The following OGDH variants were observed in gnomAD, a reference collection of about 807,000 sequenced individuals.
OGDH encodes the protein oxoglutarate dehydrogenase, also known as 2-oxoglutarate dehydrogenase complex component E1.
OGDH carries 38 observed loss-of-function variants against 116.6 expected under a neutral mutation model. That is an observed-to-expected ratio of 0.33 (90% CI 0.25 to 0.43). The LOEUF (loss-of-function observed/expected upper bound fraction) is 0.43. Among genes scored for constraint, OGDH ranks in the 20% least tolerant of loss-of-function variants. The pLI, the probability that OGDH is intolerant of heterozygous loss-of-function variation, is 1.00. For synonymous variants in OGDH, 488 were observed against 533.3 expected (o/e 0.92, Z 1.17); for missense variants, 825 against 1,357.2 (o/e 0.61, Z 6.16).
chr7:44,675,932 C>A, intron 8 of OGDH, 38 bp from the exon 9 acceptor site: 1 of 1,604,380 alleles, frequency 6.2e-7, no homozygotes, highest in Non-Finnish European at 8.5e-7. Context: ...CTGAGCATCT[C>A]CTTGGCCAGG....
At chr7:44,615,516 A>C (rs999160719) in intron 1 of OGDH, among the ~76,000 whole-genome samples, 5 of 152,150 alleles carry the variant, frequency 3.3e-5, no homozygotes, top group African/African-American at 1.2e-4. Context: ...CCCTATTCTG[A>C]CACCAGCTGA....
chr7:44,651,955 C>T (rs1370336394), intron 4 of OGDH, among the ~76,000 whole-genome samples: 1 of 151,892 alleles, frequency 6.6e-6, no homozygotes, highest in African/African-American at 2.4e-5. Context: ...CCACCTGCCT[C>T]CGCCTCCCAA....
chr7:44,668,215 G>T (rs182953786), intron 5 of OGDH, among the ~76,000 whole-genome samples: 3 of 152,242 alleles, frequency 2.0e-5, no homozygotes, highest in African/African-American at 7.2e-5. Flanking sequence ...GAGACAGGTG[G>T]ATCATAAGGT....
At chr7:44,698,146 C>G (rs753807034) in intron 17 of OGDH, 46 bp from the exon 18 acceptor site, 1 of 1,598,612 alleles carries the variant, frequency 6.3e-7, no homozygotes, top group South Asian at 1.1e-5. Context: ...CGGCAAATGT[C>G]AGTACGCAAG....
chr7:44,669,627 A>G (rs766762963), intron 5 of OGDH, among the ~76,000 whole-genome samples: 1 of 152,016 alleles, frequency 6.6e-6, no homozygotes, highest in Non-Finnish European at 1.5e-5. Flanking sequence ...ATCCCAGGTA[A>G]TTTCGATTTC....
chr7:44,687,193 G>A (rs1039021472), intron 10 of OGDH, among the ~76,000 whole-genome samples: 2 of 149,098 alleles, frequency 1.3e-5, no homozygotes, highest in African/African-American at 2.5e-5. Context: ...CACCTCCGAG[G>A]TTCAAGCGAT....
Position 44,618,389 on chromosome 7 carries a change from T to C in OGDH, c.-27-5928T>C, listed in dbSNP as rs180897230. Among the ~76,000 whole-genome samples the C allele has an allele frequency of 4.3e-3, 656 of 152,276 alleles. 4 individuals are homozygous for C. Among genetic ancestry groups the C allele is most frequent in the African/African-American group, 0.014 (574 of 41,566 alleles). On this transcript the variant is annotated intron_variant, in intron 1 of 22. Coordinates refer to ENST00000222673, the MANE Select transcript of OGDH (RefSeq NM_002541.4). The stretch of plus-strand genomic sequence containing the variant: ...CCCAAAAAGAAAGCCCTATGTCCAT[T>C]GAGTTACTCCTCATCCTTCCCTCAT...
intron 1 of OGDH, among the ~76,000 whole-genome samples, chr7:44,618,057 G>A (rs913430487): frequency 6.6e-5 from 10 of 152,090 alleles, no homozygotes; most frequent in East Asian, 1.9e-4. Flanking sequence ...AGGGCAGGGC[G>A]TTTAACACCT....
chr7:44,702,705 ACCTCAGCCTC>A (rs1788890239), intron 20 of OGDH, among the ~76,000 whole-genome samples: 1 of 151,804 alleles, frequency 6.6e-6, no homozygotes, highest in Non-Finnish European at 1.5e-5. Context: ...CCATTCTCCC[ACCTCAGCCTC>A]CCAAGTAGCT....
At chr7:44,701,466 G>T in intron 19 of OGDH, 77 bp from the exon 20 acceptor site, 4 of 1,275,672 alleles carry the variant, frequency 3.1e-6, no homozygotes, top group Admixed American at 1.8e-5. Context: ...GTCAAGGCTT[G>T]GGTAGCCTTG....
chr7:44,693,471 AT>A (rs1021178326), intron 10 of OGDH, among the ~76,000 whole-genome samples: 12 of 152,294 alleles, frequency 7.9e-5, no homozygotes, highest in Non-Finnish European at 1.6e-4. Context: ...AATCAAAATA[AT>A]AGAAATAATA....
At chr7:44,632,135 G>C (rs924274761) in intron 2 of OGDH, among the ~76,000 whole-genome samples, 3 of 152,144 alleles carry the variant, frequency 2.0e-5, no homozygotes, top group Non-Finnish European at 4.4e-5. Context: ...GTGGGAGCAT[G>C]GACCCCTCAG....
Position 44,707,626 on chromosome 7 carries a change from G to C in OGDH, c.2841G>C (p.Lys947Asn), listed in dbSNP as rs911988019. Residue 947 changes from lysine (K) to asparagine (N), a missense_variant, in exon 22 of 23, where the codon AAG (lysine) becomes AAC (asparagine). This residue lies in a region of OGDH where 212 missense variants were observed against 284.3 expected (regional missense o/e 0.75). Coordinates refer to ENST00000222673, the MANE Select transcript of OGDH (RefSeq NM_002541.4). This position sits in a 1 kb window ranked among gnomAD's most constrained non-coding sequence, Gnocchi z 5.2. ...PFDLLLKEVQ[K>N]YPNAELAWCQ... ...ACCTCCTGCTGAAGGAGGTGCAGAA[G>C]TACCCCAATGCTGAGCTGGCCTGGT... 4 of 1,614,056 alleles carry C rather than the reference G, an allele frequency of 2.5e-6. No homozygotes were observed. The highest frequency in any genetic ancestry group is 2.5e-6 in the Non-Finnish European group (3 of 1,180,052).
chr7:44,633,091 A>C (rs1785512705), intron 2 of OGDH, among the ~76,000 whole-genome samples: 1 of 151,330 alleles, frequency 6.6e-6, no homozygotes, highest in Non-Finnish European at 1.5e-5. Context: ...GTCTGTACTA[A>C]AAATACAAAA....
At chr7:44,638,982 T>C (rs1360074551) in intron 2 of OGDH, among the ~76,000 whole-genome samples, 1 of 151,238 alleles carries the variant, frequency 6.6e-6, no homozygotes, top group Admixed American at 6.6e-5. Flanking sequence ...GGGCTGGGAG[T>C]ATCAGAAGGG....
chr7:44,681,909 T>G, intron 10 of OGDH, 61 bp downstream of exon 10: 5 of 1,581,894 alleles, frequency 3.2e-6, no homozygotes, highest in Non-Finnish European at 4.3e-6. Context: ...ATGACATCTC[T>G]GAGTCATTTA....
At chr7:44,630,494 G>C (rs1050124129) in intron 2 of OGDH, among the ~76,000 whole-genome samples, 2 of 152,198 alleles carry the variant, frequency 1.3e-5, no homozygotes, top group Non-Finnish European at 2.9e-5. Flanking sequence ...TTGGGTGGTT[G>C]GAATGCATTT....
chr7:44,670,793 G>A (rs1468290653), intron 5 of OGDH, among the ~76,000 whole-genome samples: 9 of 151,958 alleles, frequency 5.9e-5, no homozygotes, highest in African/African-American at 1.9e-4. Context: ...GGCGAATCAC[G>A]AGGTCAGGAG....
Position 44,707,347 on chromosome 7 carries a change from C to G in OGDH, c.2755C>G (p.Arg919Gly), listed in dbSNP as rs538561837. ...TGACCTCACCCGGGAGCGCAAAGCA[C>G]GCGACATGGTGGGGCAGGTGGCCAT... ...YYDLTRERKARDMVGQVAITR... is the reference protein window; with the variant it reads ...YYDLTRERKAGDMVGQVAITR... The change falls in exon 21 of 23, where the codon CGC becomes GGC. Residue 919 changes from arginine to glycine, a missense_variant. Around this residue, in one of 7 missense-constraint regions of OGDH, gnomAD observed 212 missense variants for 284.3 expected, o/e 0.75. Transcript: ENST00000222673. The surrounding 1 kb of genome is among the most constrained non-coding windows in gnomAD (Gnocchi z 5.2). 1.2e-6 allele frequency: 2 copies of G among 1,614,146 alleles called. No homozygotes were observed. The highest frequency in any genetic ancestry group is 8.5e-7 in the Non-Finnish European group (1 of 1,180,054).
Sources: allele counts gnomAD v4.1 joint callset (sites outside exome capture counted in the v4.1 genomes callset), GRCh38; gene constraint gnomAD v4.1.1; regional missense constraint gnomAD v4.1.1; non-coding constraint Gnocchi (gnomAD v3.1); transcripts MANE v1.5; gene names NCBI Gene and HGNC (gene_info 2026-07-23, HGNC 2026-07-21).